The following RAI1 variants were observed in gnomAD, a reference collection of about 807,000 sequenced individuals.
RAI1 encodes the protein retinoic acid induced 1.
In RAI1, 9 loss-of-function variants were observed where a neutral mutation model predicts 123.8. The observed-to-expected ratio is 0.07, with a 90% confidence interval of 0.04 to 0.13. The LOEUF is 0.13. Ranked by LOEUF, RAI1 falls within the 10% of genes least tolerant of loss-of-function variation. The pLI, the probability that RAI1 is intolerant of heterozygous loss-of-function variation, is 1.00. For missense variants in RAI1, 2,256 were observed against 2,545.8 expected (o/e 0.89, Z 2.45); for synonymous variants, 1,231 against 1,127.3 (o/e 1.09, Z -1.84).
chr17:17,731,206 A>G (rs1916259445), intron 2 of RAI1, among the ~76,000 whole-genome samples: 1 of 152,222 alleles, frequency 6.6e-6, no homozygotes, highest in Non-Finnish European at 1.5e-5. Context: ...CCTGGCGGCC[A>G]GGCCTGTCCT....
intron 2 of RAI1, among the ~76,000 whole-genome samples, chr17:17,784,480 C>G (rs1010148799): frequency 2.0e-5 from 3 of 152,212 alleles, no homozygotes; most frequent in African/African-American, 4.8e-5. Context: ...GCGTCCTGCA[C>G]AAGCCACTGG....
intron 2 of RAI1, among the ~76,000 whole-genome samples, chr17:17,787,760 G>A (rs1567907700): frequency 6.6e-6 from 1 of 152,320 alleles, no homozygotes; most frequent in Non-Finnish European, 1.5e-5. Flanking sequence ...GGGGACCTGG[G>A]CACCTAGGCA....
chr17:17,708,940 G>A (rs1567838090), intron 1 of RAI1, among the ~76,000 whole-genome samples: 1 of 152,206 alleles, frequency 6.6e-6, no homozygotes, highest in Non-Finnish European at 1.5e-5. Context: ...CCCTGCTCCA[G>A]GCACAAAGGG....
chr17:17,750,709 AAAAAG>A (rs1309044558), intron 2 of RAI1, among the ~76,000 whole-genome samples: 3 of 151,374 alleles, frequency 2.0e-5, no homozygotes, highest in Non-Finnish European at 3.0e-5. Context: ...AAAAAAAAAA[AAAAAG>A]AAAAGAAACA....
rs759193229 is a variant in RAI1, at chr17:17,799,793, G to A, written c.5565+1280G>A. Among the ~76,000 whole-genome samples the A allele has an allele frequency of 2.8e-5, 4 of 143,538 alleles. No homozygotes were observed. The highest frequency in any genetic ancestry group is 5.1e-5 in the African/African-American group (2 of 38,882). The allele number at this position is 143,538 out of a possible 152,430, so 94.2% of individuals were successfully genotyped here. ...CTCCCCCTGCCCAGCCTCCTCCCCC[G>A]TCGCTGCACTGCCCACCTGCTCCTC... is the stretch of plus-strand genomic sequence containing the variant. On this transcript the variant is annotated intron_variant, in intron 3 of 5. Coordinates refer to ENST00000353383, the MANE Select transcript of RAI1 (RefSeq NM_030665.4). This position sits in a 1 kb window ranked among gnomAD's most constrained non-coding sequence, Gnocchi z 4.5.
intron 4 of RAI1, 25 bp downstream of exon 4, chr17:17,803,874 G>T: frequency 6.2e-7 from 1 of 1,605,268 alleles, no homozygotes; most frequent in South Asian, 1.1e-5. Context: ...AGGAACAGGA[G>T]GGCATTGGAG....
rs374714660 is a variant in RAI1, at chr17:17,682,999, C to T, written c.-149+1206C>T. On this transcript the variant is annotated intron_variant, in intron 1 of 5. Transcript: ENST00000353383. ...CGCACACTCTCCCGCGCCGCCTTCC[C>T]CGCGGTTTCGGCGGGCCCGGATTCA... Among the ~76,000 whole-genome samples, 4 of 152,296 alleles carry T rather than the reference C, an allele frequency of 2.6e-5. No homozygotes were observed. In the East Asian group the frequency reaches 7.7e-4, roughly 29 times the overall value.
intron 2 of RAI1, among the ~76,000 whole-genome samples, chr17:17,791,400 C>A (rs920187384): frequency 2.6e-5 from 4 of 152,180 alleles, no homozygotes; most frequent in Non-Finnish European, 4.4e-5. Context: ...AGCTCTCCCC[C>A]ACTCCCCACC....
At chr17:17,748,947 C>T in intron 2 of RAI1, among the ~76,000 whole-genome samples, 1 of 152,188 alleles carries the variant, frequency 6.6e-6, no homozygotes, top group East Asian at 1.9e-4. Flanking sequence ...GTGGCAGGCA[C>T]ACCTCAAAGA....
rs370464985 is a variant in RAI1, at chr17:17,775,616, A to G, written c.-16-17317A>G. On this transcript the variant is annotated intron_variant, in intron 2 of 5. Transcript: ENST00000353383. The stretch of plus-strand genomic sequence containing the variant: ...CTAAAGAAAAGAAAATGTTATTAAA[A>G]TCCTAAGGAGGAGACAATCGAATCT... Among the ~76,000 whole-genome samples, 13 of 152,268 alleles carry G rather than the reference A, an allele frequency of 8.5e-5. No homozygotes were observed. In the South Asian group the frequency reaches 1.7e-3, roughly 19 times the overall value.
At chr17:17,768,052 A>T (rs934281339) in intron 2 of RAI1, among the ~76,000 whole-genome samples, 4 of 152,220 alleles carry the variant, frequency 2.6e-5, no homozygotes, top group Non-Finnish European at 4.4e-5. Flanking sequence ...AGCATATAAT[A>T]AGTGCTCAGT....
chr17:17,683,000 C>T (rs1185343002), intron 1 of RAI1, among the ~76,000 whole-genome samples: 2 of 152,164 alleles, frequency 1.3e-5, no homozygotes, highest in Non-Finnish European at 2.9e-5. Context: ...CCGCCTTCCC[C>T]GCGGTTTCGG....
chr17:17,691,742 T>G (rs1377673079), intron 1 of RAI1, among the ~76,000 whole-genome samples: 1 of 152,100 alleles, frequency 6.6e-6, no homozygotes, highest in Non-Finnish European at 1.5e-5. Context: ...TTAGTCTGTT[T>G]GAGGGAACTC....
chr17:17,794,504 G>A lies in RAI1; in HGVS notation c.1556G>A (p.Ser519Asn). The A allele has an allele frequency of 1.9e-6, 3 of 1,612,206 alleles. No individual in the cohort carries two copies. The highest frequency in any genetic ancestry group is 1.7e-6 in the Non-Finnish European group (2 of 1,179,624). Residue 519 changes from serine (S) to asparagine (N), a missense_variant, in exon 3 of 6, where the codon AGC (serine) becomes AAC (asparagine). Around this residue, in one of 7 missense-constraint regions of RAI1, gnomAD observed 357 missense variants for 480.2 expected, o/e 0.74. Coordinates refer to ENST00000353383, the MANE Select transcript of RAI1 (RefSeq NM_030665.4). ...HAEPQEADYL[S>N]GSEDPLERSF... ...GAGCCGCAGGAGGCCGACTACCTGA[G>A]CGGCTCCGAGGACCCACTGGAGCGC...
intron 2 of RAI1, among the ~76,000 whole-genome samples, chr17:17,759,949 A>C (rs2030617423): frequency 6.6e-6 from 1 of 152,208 alleles, no homozygotes; most frequent in Admixed American, 6.5e-5. Flanking sequence ...TGCTTGGGGT[A>C]ATAGATGGAA....
At chr17:17,695,333 C>T (rs1372708731) in intron 1 of RAI1, among the ~76,000 whole-genome samples, 1 of 152,134 alleles carries the variant, frequency 6.6e-6, no homozygotes. Flanking sequence ...CACAGGCCTC[C>T]CCTAGTTGGC....
chr17:17,730,115 A>G (rs925788074), intron 2 of RAI1, among the ~76,000 whole-genome samples: 7 of 152,184 alleles, frequency 4.6e-5, no homozygotes, highest in African/African-American at 1.7e-4. Context: ...GCACTGAAGC[A>G]GGCAGAGAGA....
chr17:17,706,280 T>C (rs1413735930), intron 1 of RAI1, among the ~76,000 whole-genome samples: 1 of 151,880 alleles, frequency 6.6e-6, no homozygotes, highest in East Asian at 1.9e-4. Flanking sequence ...CAGGAAGCAC[T>C]AGGCAGTTGG....
rs568661577 is a variant in RAI1 at position 17,736,343 on chromosome 17, C to T, written c.-17+12184C>T. Among the ~76,000 whole-genome samples the T allele has an allele frequency of 1.1e-4, 16 of 152,350 alleles. No individual in the cohort carries two copies. In the East Asian group the frequency reaches 2.9e-3, roughly 28 times the overall value. Reference sequence around the variant, plus strand: ...ATCCCAAACTCTGACCATTCATGCTCTCCCTCCCAGAGACCTTGGCACCTG... The same window carrying T: ...ATCCCAAACTCTGACCATTCATGCTTTCCCTCCCAGAGACCTTGGCACCTG... On this transcript the variant is annotated intron_variant, in intron 2 of 5. Transcript: ENST00000353383.
Sources: gnomAD v4.1 joint callset for allele counts (sites outside exome capture counted in the v4.1 genomes callset) on GRCh38, gnomAD v4.1.1 for gene constraint, gnomAD v4.1.1 regional missense constraint, Gnocchi (gnomAD v3.1) non-coding constraint, MANE v1.5 for transcripts, NCBI Gene and HGNC (gene_info 2026-07-23, HGNC 2026-07-21) for gene names.